The following AFG2A variants were observed in gnomAD, a reference collection of about 807,000 sequenced individuals.
The protein encoded by AFG2A is AAA ATPase AFG2A.
the AFG2A span, among the ~76,000 whole-genome samples, chr4:123,018,120 T>G: frequency 1.3e-5 from 2 of 152,322 alleles, no homozygotes; most frequent in Middle Eastern, 6.8e-3. Flanking sequence ...TATTTTGTTT[T>G]GGGGTGTTTG....
chr4:123,249,914 C>T, the AFG2A span, among the ~76,000 whole-genome samples: 2 of 152,036 alleles, frequency 1.3e-5, no homozygotes, highest in East Asian at 1.9e-4. Context: ...AATTCAGAGC[C>T]GTTACCAAAG....
the AFG2A span, chr4:123,090,795 A>G: frequency 6.5e-7 from 1 of 1,530,280 alleles, no homozygotes; most frequent in African/African-American, 1.4e-5. Flanking sequence ...TTACTTTCTA[A>G]TCAGTATTTC....
At chr4:123,185,014 A>G in the AFG2A span, among the ~76,000 whole-genome samples, 2 of 152,180 alleles carry the variant, frequency 1.3e-5, no homozygotes, top group African/African-American at 4.8e-5. Flanking sequence ...AGCAGAGTCA[A>G]TCTTAAAACT....
chr4:123,297,428 A>G, the AFG2A span, among the ~76,000 whole-genome samples: 1 of 152,222 alleles, frequency 6.6e-6, no homozygotes, highest in African/African-American at 2.4e-5. Flanking sequence ...GTCTAAGGAA[A>G]TGGCAACTAG....
chr4:123,132,761 C>T, the AFG2A span, among the ~76,000 whole-genome samples: 1 of 150,836 alleles, frequency 6.6e-6, no homozygotes, highest in Admixed American at 6.6e-5. Flanking sequence ...CGCATCTCTT[C>T]CGCATAATGA....
At chr4:123,020,438 G>A in the AFG2A span, among the ~76,000 whole-genome samples, 1 of 150,498 alleles carries the variant, frequency 6.6e-6, no homozygotes, top group Non-Finnish European at 1.5e-5. Context: ...GCGCGATCTC[G>A]GCTCAGTGTA....
the AFG2A span, among the ~76,000 whole-genome samples, chr4:123,073,128 G>A: frequency 1.3e-5 from 2 of 150,768 alleles, no homozygotes; most frequent in Non-Finnish European, 3.0e-5. Context: ...TAACCATGCT[G>A]TATATCAAAC....
chr4:123,234,790 T>C, the AFG2A span, among the ~76,000 whole-genome samples: 1 of 152,164 alleles, frequency 6.6e-6, no homozygotes, highest in Admixed American at 6.6e-5. Context: ...TTATGGTCTC[T>C]AGAGCGAGAC....
At chr4:123,259,013 C>G in the AFG2A span, among the ~76,000 whole-genome samples, 1 of 151,644 alleles carries the variant, frequency 6.6e-6, no homozygotes, top group African/African-American at 2.4e-5. Flanking sequence ...ATTACAGGCA[C>G]CCACCACCAC....
the AFG2A span, among the ~76,000 whole-genome samples, chr4:123,200,919 C>G: frequency 1.3e-5 from 2 of 152,164 alleles, no homozygotes; most frequent in Admixed American, 6.5e-5. Context: ...AATGCTCTAC[C>G]TTCAAAGTAA....
chr4:122,927,766 T>C, the AFG2A span: 1 of 1,610,796 alleles, frequency 6.2e-7, no homozygotes, highest in Non-Finnish European at 8.5e-7. Context: ...GAGGTAAGAG[T>C]CTTTTTCATT....
the AFG2A span, among the ~76,000 whole-genome samples, chr4:123,100,286 C>T: frequency 6.6e-6 from 1 of 151,854 alleles, no homozygotes; most frequent in Non-Finnish European, 1.5e-5. Flanking sequence ...CTGTTTGTCT[C>T]CCTAAACCCT....
the AFG2A span, among the ~76,000 whole-genome samples, chr4:122,943,282 A>G: frequency 6.6e-6 from 1 of 152,160 alleles, no homozygotes; most frequent in Non-Finnish European, 1.5e-5. Context: ...GTCTCTTTGT[A>G]GGTCACTCAG....
the AFG2A span, among the ~76,000 whole-genome samples, chr4:123,043,975 A>G: frequency 5.9e-5 from 9 of 152,164 alleles, no homozygotes; most frequent in African/African-American, 2.2e-4. Context: ...TTTGCTCTTG[A>G]CCAGTCCATG....
the AFG2A span, among the ~76,000 whole-genome samples, chr4:123,292,556 G>A: frequency 1.3e-5 from 2 of 152,202 alleles, no homozygotes; most frequent in East Asian, 3.9e-4. Context: ...TTCCCCTTGA[G>A]AATGTGACTT....
the AFG2A span, among the ~76,000 whole-genome samples, chr4:123,223,410 A>T: frequency 6.6e-6 from 1 of 152,200 alleles, no homozygotes; most frequent in African/African-American, 2.4e-5. Context: ...TCACACTGCT[A>T]TAAAAAAATA....
At chr4:123,094,800 A>G in the AFG2A span, among the ~76,000 whole-genome samples, 1 of 151,914 alleles carries the variant, frequency 6.6e-6, no homozygotes, top group Non-Finnish European at 1.5e-5. Context: ...AAAGTCTACC[A>G]CGAACAGTTT....
the AFG2A span, among the ~76,000 whole-genome samples, chr4:122,994,930 T>C: frequency 6.6e-6 from 1 of 152,140 alleles, no homozygotes; most frequent in South Asian, 2.1e-4. Flanking sequence ...ATTATATATT[T>C]AAAATTTACT....
At chr4:123,091,048 A>C in the AFG2A span, among the ~76,000 whole-genome samples, 1 of 152,210 alleles carries the variant, frequency 6.6e-6, no homozygotes, top group African/African-American at 2.4e-5. Flanking sequence ...ACTGCAGCTG[A>C]GGGCCTCTGG....
Sources: allele counts gnomAD v4.1 joint callset (sites outside exome capture counted in the v4.1 genomes callset), GRCh38; gene constraint gnomAD v4.1.1; transcripts MANE v1.5; gene names NCBI Gene and HGNC (gene_info 2026-07-23, HGNC 2026-07-21).